The following SLC35F4 variants were observed in gnomAD, a reference collection of about 807,000 sequenced individuals.
SLC35F4 encodes the protein chromosome 14 open reading frame 36.
Under a neutral mutation model 44.2 loss-of-function variants are expected in SLC35F4, and 24 were observed. That is an observed-to-expected ratio of 0.54 (90% CI 0.39 to 0.76). The LOEUF is 0.76. SLC35F4 is among the 30% of genes least tolerant of loss of function. The probability of loss-of-function intolerance (pLI) is 0.00; values close to 1 mark genes in which losing one functional copy is unlikely to be tolerated. For synonymous variants in SLC35F4, 238 were observed against 223.6 expected (o/e 1.06, Z -0.57); for missense variants, 562 against 586.1 (o/e 0.96, Z 0.42).
chr14:57,916,705 G>C (rs915170485), intron 1 of SLC35F4, among the ~76,000 whole-genome samples: 1 of 151,860 alleles, frequency 6.6e-6, no homozygotes, highest in African/African-American at 2.4e-5. Flanking sequence ...TTCAGTTTTG[G>C]AATTGGGTAC....
intron 1 of SLC35F4, among the ~76,000 whole-genome samples, chr14:57,662,758 T>A (rs907197821): frequency 1.3e-5 from 2 of 152,216 alleles, no homozygotes; most frequent in African/African-American, 4.8e-5. Context: ...CAAGGTGTGC[T>A]GGATATTCCC....
intron 1 of SLC35F4, among the ~76,000 whole-genome samples, chr14:57,970,781 C>T (rs932924053): frequency 5.7e-4 from 87 of 152,238 alleles, no homozygotes; most frequent in African/African-American, 2.0e-3. Context: ...CAGATGTAGA[C>T]CTTTTGTCCT....
At chr14:57,740,975 C>T (rs760867856) in intron 1 of SLC35F4, among the ~76,000 whole-genome samples, 15 of 152,124 alleles carry the variant, frequency 9.9e-5, no homozygotes, top group Non-Finnish European at 1.3e-4. Flanking sequence ...AACAGGGTCT[C>T]GAGTGGACCT....
chr14:57,617,130 C>CTTTTT (rs3054446), intron 1 of SLC35F4, among the ~76,000 whole-genome samples: 2,124 of 99,022 alleles, frequency 0.021, 222 homozygotes, highest in Middle Eastern at 0.059. Context: ...TGTACTTATT[C>CTTTTT]TTTTTTTTTT....
intron 2 of SLC35F4, among the ~76,000 whole-genome samples, chr14:57,590,445 A>G (rs1328496266): frequency 6.6e-6 from 1 of 152,098 alleles, no homozygotes; most frequent in Non-Finnish European, 1.5e-5. Context: ...CCAAGAATAG[A>G]GCAAGTCCTG....
At chr14:57,710,146 G>A (rs369113391) in intron 1 of SLC35F4, among the ~76,000 whole-genome samples, 16 of 152,330 alleles carry the variant, frequency 1.1e-4, no homozygotes, top group African/African-American at 3.8e-4. Context: ...GCAGTCTCAA[G>A]ACATGGTGTC....
chr14:57,573,367 A>G (rs1309878473), intron 4 of SLC35F4, among the ~76,000 whole-genome samples: 3 of 152,204 alleles, frequency 2.0e-5, no homozygotes, highest in African/African-American at 7.2e-5. Flanking sequence ...GTGAAAAACC[A>G]TCTTCATTAA....
chr14:57,624,890 G>A (rs957019429), intron 1 of SLC35F4, among the ~76,000 whole-genome samples: 5 of 151,980 alleles, frequency 3.3e-5, no homozygotes, highest in Non-Finnish European at 5.9e-5. Context: ...TTTGAAAACC[G>A]GCACAAGACA....
intron 1 of SLC35F4, among the ~76,000 whole-genome samples, chr14:57,828,207 C>A (rs557039273): frequency 6.6e-6 from 1 of 152,020 alleles, no homozygotes; most frequent in Non-Finnish European, 1.5e-5. Flanking sequence ...AACAAAAAAA[C>A]CACACCCATG....
chr14:57,802,985 CAAAAAA>C (rs59647111), intron 1 of SLC35F4, among the ~76,000 whole-genome samples: 42 of 71,292 alleles, frequency 5.9e-4, no homozygotes, highest in South Asian at 2.3e-3. Flanking sequence ...GCAGAGATAC[CAAAAAA>C]AAAAAAAAAA....
intron 1 of SLC35F4, among the ~76,000 whole-genome samples, chr14:57,638,481 T>C (rs2073099605): frequency 6.6e-6 from 1 of 152,120 alleles, no homozygotes; most frequent in African/African-American, 2.4e-5. Flanking sequence ...GTTGAATACA[T>C]AAATTTAGCC....
intron 1 of SLC35F4, among the ~76,000 whole-genome samples, chr14:57,845,604 AG>A (rs1885948964): frequency 1.3e-5 from 2 of 152,230 alleles, no homozygotes; most frequent in Non-Finnish European, 2.9e-5. Flanking sequence ...TGAAAGCCAC[AG>A]GAAAGTTAAC....
chr14:57,765,584 A>G (rs1304369291), intron 1 of SLC35F4, among the ~76,000 whole-genome samples: 1 of 152,264 alleles, frequency 6.6e-6, no homozygotes, highest in East Asian at 1.9e-4. Context: ...ACATTACATC[A>G]ACAGTATTAA....
intron 1 of SLC35F4, among the ~76,000 whole-genome samples, chr14:57,632,814 T>G (rs891580880): frequency 1.3e-5 from 2 of 152,066 alleles, no homozygotes; most frequent in Non-Finnish European, 2.9e-5. Flanking sequence ...TATAACGATA[T>G]GTATCCACCA....
rs1204002869 is a variant in SLC35F4 at position 57,580,520 on chromosome 14, C to T, written c.807+694G>A. ...ATGAATGAGATCTGGCTCCTTAAAT[C>T]TTCAGGGCTTCCCAGCAATCTATTT... is the stretch of plus-strand genomic sequence containing the variant. On this transcript the variant is annotated intron_variant, in intron 4 of 7. Transcript: ENST00000556826. 9 of 395,714 alleles carry T rather than the reference C, an allele frequency of 2.3e-5. No individual in the cohort carries two copies. In the East Asian group the frequency reaches 4.9e-4, roughly 21 times the overall value. The allele number at this position is 395,714 out of a possible 1,614,324, so 24.5% of individuals were successfully genotyped here.
At chr14:57,919,290 G>C (rs1435255351) in intron 1 of SLC35F4, among the ~76,000 whole-genome samples, 1 of 152,190 alleles carries the variant, frequency 6.6e-6, no homozygotes, top group African/African-American at 2.4e-5. Context: ...AACTAATACA[G>C]GATTACACTC....
chr14:57,637,059 T>C (rs1330515759), intron 1 of SLC35F4, among the ~76,000 whole-genome samples: 4 of 152,128 alleles, frequency 2.6e-5, no homozygotes, highest in Non-Finnish European at 5.9e-5. Flanking sequence ...AAAGTGGTTT[T>C]TAGTTTATAC....
intron 1 of SLC35F4, among the ~76,000 whole-genome samples, chr14:57,905,216 C>A (rs1199707152): frequency 6.6e-6 from 1 of 152,288 alleles, no homozygotes; most frequent in Non-Finnish European, 1.5e-5. Context: ...TGGCTGTCGG[C>A]AGCAGGCCTC....
intron 1 of SLC35F4, among the ~76,000 whole-genome samples, chr14:57,762,384 A>G (rs1421830210): frequency 6.6e-6 from 1 of 152,150 alleles, no homozygotes; most frequent in Non-Finnish European, 1.5e-5. Context: ...AACCCATTCT[A>G]TGTAGTGCTA....
Sources: allele counts gnomAD v4.1 joint callset (sites outside exome capture counted in the v4.1 genomes callset), GRCh38; gene constraint gnomAD v4.1.1; transcripts MANE v1.5; gene names NCBI Gene and HGNC (gene_info 2026-07-23, HGNC 2026-07-21).